Variants in HS3ST3A1 observed in about 807,000 individuals in gnomAD.
The protein encoded by HS3ST3A1 is heparan sulfate-glucosamine 3-sulfotransferase 3A1, also known as heparan sulfate glucosamine 3-O-sulfotransferase 3A1.
Under a neutral mutation model 25.7 loss-of-function variants are expected in HS3ST3A1, and 19 were observed. The observed-to-expected ratio is 0.74, with a 90% CI of 0.52 to 1.08. HS3ST3A1 has a LOEUF of 1.08. HS3ST3A1 is among the 50% of genes least tolerant of loss of function. The pLI is 0.00. For missense variants in HS3ST3A1, 459 were observed against 594.3 expected, an observed-to-expected ratio of 0.77 and a Z score of 2.37; for synonymous variants, 226 against 278.6, an observed-to-expected ratio of 0.81 and a Z score of 1.88.
At chr17:13,590,576 C>T (rs1411969096) in intron 1 of HS3ST3A1, among the ~76,000 whole-genome samples, 1 of 152,186 alleles carries the variant, frequency 6.6e-6, no homozygotes, top group Non-Finnish European at 1.5e-5. Context: ...CTACCTCCAA[C>T]ATCCTATCTG....
intron 1 of HS3ST3A1, among the ~76,000 whole-genome samples, chr17:13,550,794 C>T (rs141888598): frequency 2.6e-5 from 4 of 152,206 alleles, no homozygotes; most frequent in East Asian, 1.9e-4. Flanking sequence ...TCAGGCCCGG[C>T]GCAGTGGCTC....
intron 1 of HS3ST3A1, among the ~76,000 whole-genome samples, chr17:13,532,861 A>G (rs1393290180): frequency 1.4e-5 from 2 of 139,376 alleles, no homozygotes; most frequent in East Asian, 4.3e-4. Context: ...ATGGTTACAC[A>G]CACACAAATA....
intron 1 of HS3ST3A1, 42 bp downstream of exon 1, chr17:13,600,489 C>A (rs1908689732): frequency 1.3e-6 from 2 of 1,533,596 alleles, no homozygotes; most frequent in East Asian, 2.4e-5. Context: ...CAGCCCAGGA[C>A]CCCCGGATCC....
intron 1 of HS3ST3A1, among the ~76,000 whole-genome samples, chr17:13,538,717 G>A (rs1043703853): frequency 2.6e-5 from 4 of 152,062 alleles, no homozygotes; most frequent in South Asian, 2.1e-4. Context: ...AGTCCCAGGT[G>A]TTTTGGTTTT....
At chr17:13,566,190 A>G (rs1479342701) in intron 1 of HS3ST3A1, among the ~76,000 whole-genome samples, 1 of 152,054 alleles carries the variant, frequency 6.6e-6, no homozygotes, top group East Asian at 1.9e-4. Context: ...TCTGTGTCAC[A>G]TTTTGGTATT....
chr17:13,558,972 T>C (rs566472863), intron 1 of HS3ST3A1, among the ~76,000 whole-genome samples: 1 of 152,364 alleles, frequency 6.6e-6, no homozygotes, highest in South Asian at 2.1e-4. Flanking sequence ...GCTCAGATTC[T>C]GACTCTACCA....
rs535288631 is a variant in HS3ST3A1, at chr17:13,494,215, G to A, written c.*1982C>T. Among the ~76,000 whole-genome samples, 12 of 152,356 alleles carry A rather than the reference G, an allele frequency of 7.9e-5. No homozygotes were observed. The highest frequency in any genetic ancestry group is 3.9e-4 in the East Asian group (2 of 5,188). On this transcript the variant is annotated 3_prime_UTR_variant, in exon 2 of 2. Coordinates refer to ENST00000284110, the MANE Select transcript of HS3ST3A1 (RefSeq NM_006042.3). ...GACAAGAGTTTAAAATGAGTATCTT[G>A]TTGCAGCTAGTGATTCAAGTAGAAT...
intron 1 of HS3ST3A1, among the ~76,000 whole-genome samples, chr17:13,566,682 A>G (rs113109463): frequency 0.055 from 8,346 of 152,266 alleles, 483 homozygotes; most frequent in African/African-American, 0.14. Flanking sequence ...CAGCCTTATC[A>G]CTGATCTGGA....
At chr17:13,586,931 A>T (rs1487078956) in intron 1 of HS3ST3A1, among the ~76,000 whole-genome samples, 2 of 148,036 alleles carry the variant, frequency 1.4e-5, no homozygotes, top group Non-Finnish European at 3.0e-5. Flanking sequence ...AATATAAAAA[A>T]CTACAAGATT....
intron 1 of HS3ST3A1, among the ~76,000 whole-genome samples, chr17:13,548,949 A>T (rs1012842349): frequency 5.3e-5 from 8 of 152,232 alleles, no homozygotes; most frequent in African/African-American, 1.7e-4. Flanking sequence ...TCAGCAGGAC[A>T]TGGGCAGAGC....
chr17:13,597,382 C>T (rs766161655), intron 1 of HS3ST3A1, among the ~76,000 whole-genome samples: 9 of 152,008 alleles, frequency 5.9e-5, no homozygotes, highest in African/African-American at 9.7e-5. Context: ...TAGAGGTATT[C>T]GGTCCTGACT....
intron 1 of HS3ST3A1, among the ~76,000 whole-genome samples, chr17:13,579,781 G>C (rs1908058120): frequency 6.8e-6 from 1 of 148,126 alleles, no homozygotes; most frequent in African/African-American, 2.5e-5. Context: ...ATCACCTGAG[G>C]TCAACATGGG....
intron 1 of HS3ST3A1, among the ~76,000 whole-genome samples, chr17:13,503,871 A>G (rs1905570367): frequency 6.6e-6 from 1 of 152,206 alleles, no homozygotes; most frequent in Admixed American, 6.5e-5. Flanking sequence ...ACTCATGGAA[A>G]TCATATATAT....
chr17:13,544,022 T>C (rs1404003380), intron 1 of HS3ST3A1, among the ~76,000 whole-genome samples: 1 of 152,174 alleles, frequency 6.6e-6, no homozygotes, highest in Non-Finnish European at 1.5e-5. Flanking sequence ...TTTGTGAAAA[T>C]TGAAAAGAAT....
chr17:13,574,778 A>G (rs1021678147), intron 1 of HS3ST3A1, among the ~76,000 whole-genome samples: 19 of 146,552 alleles, frequency 1.3e-4, no homozygotes, highest in Non-Finnish European at 2.4e-4. Flanking sequence ...CACAAAAAAA[A>G]TGAAGGGCAT....
At chr17:13,570,366 G>A (rs946370641) in intron 1 of HS3ST3A1, among the ~76,000 whole-genome samples, 6 of 150,810 alleles carry the variant, frequency 4.0e-5, no homozygotes, top group African/African-American at 1.5e-4. Context: ...TGGATGCTTA[G>A]TTCTAATACG....
intron 1 of HS3ST3A1, among the ~76,000 whole-genome samples, chr17:13,578,146 G>C (rs1336843007): frequency 6.6e-6 from 1 of 152,054 alleles, no homozygotes; most frequent in Non-Finnish European, 1.5e-5. Context: ...TGAAATATTG[G>C]AATCAAGTTA....
intron 1 of HS3ST3A1, among the ~76,000 whole-genome samples, chr17:13,586,594 G>A (rs920073803): frequency 1.3e-4 from 20 of 151,608 alleles, no homozygotes; most frequent in African/African-American, 4.4e-4. Context: ...TAGGCCGGGC[G>A]CGGTGGCTCA....
At chr17:13,502,976 C>A (rs994630315) in intron 1 of HS3ST3A1, among the ~76,000 whole-genome samples, 2 of 151,148 alleles carry the variant, frequency 1.3e-5, no homozygotes, top group South Asian at 2.1e-4. Flanking sequence ...GTCAAGAGAG[C>A]GAGACCATCC....
Sources: gnomAD v4.1 joint callset for allele counts (sites outside exome capture counted in the v4.1 genomes callset) on GRCh38, gnomAD v4.1.1 for gene constraint, MANE v1.5 for transcripts, NCBI Gene and HGNC (gene_info 2026-07-23, HGNC 2026-07-21) for gene names.